CFDP1: variants seen among roughly 807,000 people sequenced by gnomAD.
CFDP1 encodes the protein heterochromatin-stabilizing protein CFDP1.
CFDP1 carries 31 observed loss-of-function variants against 40.1 expected under a neutral mutation model. The observed-to-expected ratio is 0.77, with a 90% CI of 0.58 to 1.04. The LOEUF (loss-of-function observed/expected upper bound fraction) is 1.04. Among genes scored for constraint, CFDP1 ranks in the 50% least tolerant of loss-of-function variants. The pLI is 0.00. For synonymous variants in CFDP1, 167 were observed against 120.0 expected, an observed-to-expected ratio of 1.39 and a Z score of -2.56; for missense variants, 423 against 343.4, an observed-to-expected ratio of 1.23 and a Z score of -1.83.
At chr16:75,359,090 T>C (rs1200961105) in intron 5 of CFDP1, among the ~76,000 whole-genome samples, 1 of 152,194 alleles carries the variant, frequency 6.6e-6, no homozygotes, top group Admixed American at 6.5e-5. Flanking sequence ...CTTTATATAA[T>C]TCAGCCAAAA....
chr16:75,431,510 C>T (rs377726090), intron 1 of CFDP1, among the ~76,000 whole-genome samples: 4 of 147,830 alleles, frequency 2.7e-5, no homozygotes, highest in African/African-American at 1.0e-4. Flanking sequence ...GGTGTGCTGG[C>T]GGGCGCCTGT....
At chr16:75,361,534 T>A (rs2078679255) in intron 5 of CFDP1, among the ~76,000 whole-genome samples, 6 of 152,014 alleles carry the variant, frequency 3.9e-5, no homozygotes. Context: ...TGAGAATCGC[T>A]TGAACCTGGG....
intron 5 of CFDP1, among the ~76,000 whole-genome samples, chr16:75,314,204 T>C (rs1372216450): frequency 1.3e-5 from 2 of 152,100 alleles, no homozygotes; most frequent in Admixed American, 6.6e-5. Context: ...GTTATATTTG[T>C]CTATTTGAAC....
intron 4 of CFDP1, among the ~76,000 whole-genome samples, chr16:75,399,262 C>T (rs1451096570): frequency 6.6e-6 from 1 of 152,010 alleles, no homozygotes; most frequent in Non-Finnish European, 1.5e-5. Flanking sequence ...TAAAAATAAC[C>T]AAAATAAACC....
Position 75,395,147 on chromosome 16 carries a change from T to C in CFDP1, c.593A>G (p.Lys198Arg). The change falls in exon 5 of 7, where the codon AAA becomes AGA. Residue 198 changes from lysine (K) to arginine (R), a missense_variant. By Grantham distance (26) the Lys-to-Arg change is conservative (BLOSUM62 2). Coordinates refer to ENST00000283882, the MANE Select transcript of CFDP1 (RefSeq NM_006324.3). ...AGGAACATTAGCCTGTGGTTTTTCT[T>C]TCTCATTCTGCTTGAAGAAGGATTT... ...EAKSFFKQNE[K>R]EKPQANVPSA... 1 of 1,613,936 alleles carries C rather than the reference T, an allele frequency of 6.2e-7. No individual in the cohort carries two copies.
intron 5 of CFDP1, among the ~76,000 whole-genome samples, chr16:75,377,972 T>C (rs1436044161): frequency 6.6e-6 from 1 of 152,158 alleles, no homozygotes; most frequent in Admixed American, 6.6e-5. Flanking sequence ...ACATTATACA[T>C]CAAAATCCCT....
At chr16:75,374,569 C>A (rs2151542543) in intron 5 of CFDP1, among the ~76,000 whole-genome samples, 1 of 151,908 alleles carries the variant, frequency 6.6e-6, no homozygotes, top group Middle Eastern at 3.4e-3. Context: ...GTAGTCCCAG[C>A]ACTTTGGGAG....
intron 5 of CFDP1, among the ~76,000 whole-genome samples, chr16:75,340,497 T>C (rs1255153598): frequency 1.3e-5 from 2 of 152,236 alleles, no homozygotes; most frequent in Non-Finnish European, 2.9e-5. Flanking sequence ...ACCACTTATG[T>C]TGCCTATTCC....
chr16:75,397,173 C>G (rs2079001807), intron 4 of CFDP1, among the ~76,000 whole-genome samples: 1 of 151,690 alleles, frequency 6.6e-6, no homozygotes, highest in African/African-American at 2.4e-5. Context: ...CTTGGCCTCC[C>G]AAAGTGCTGG....
intron 1 of CFDP1, among the ~76,000 whole-genome samples, chr16:75,428,767 G>A (rs1032925756): frequency 1.3e-5 from 2 of 152,074 alleles, no homozygotes; most frequent in African/African-American, 2.4e-5. Context: ...TTCTCAGAAG[G>A]CTCAGCAAAA....
intron 1 of CFDP1, among the ~76,000 whole-genome samples, chr16:75,430,950 C>G (rs928395235): frequency 6.6e-6 from 1 of 152,146 alleles, no homozygotes; most frequent in African/African-American, 2.4e-5. Flanking sequence ...TGTTAAAGAG[C>G]CCTGGCTAAG....
chr16:75,430,743 C>G (rs1302113613), intron 1 of CFDP1, among the ~76,000 whole-genome samples: 1 of 152,194 alleles, frequency 6.6e-6, no homozygotes, highest in Non-Finnish European at 1.5e-5. Flanking sequence ...GGATTATAGG[C>G]TCGAGCCACT....
intron 5 of CFDP1, among the ~76,000 whole-genome samples, chr16:75,334,510 C>T (rs754395417): frequency 3.3e-5 from 5 of 150,508 alleles, no homozygotes; most frequent in East Asian, 1.9e-4. Context: ...CTGGAGGCAG[C>T]GCAGAGGGTG....
At chr16:75,347,357 A>AG (rs1244511959) in intron 5 of CFDP1, among the ~76,000 whole-genome samples, 11 of 88,508 alleles carry the variant, frequency 1.2e-4, no homozygotes, top group East Asian at 2.3e-4. Flanking sequence ...AAAAAAAAAA[A>AG]AAAAAAAGAA....
At chr16:75,349,680 A>ATATATATATATATAT (rs59380218) in intron 5 of CFDP1, among the ~76,000 whole-genome samples, 38 of 6,660 alleles carry the variant, frequency 5.7e-3, no homozygotes, top group East Asian at 0.035. Context: ...AAAAAAAAAA[A>ATATATATATATATAT]AAAAAAAAAA....
At chr16:75,425,417 ATG>A (rs1025130198) in intron 1 of CFDP1, among the ~76,000 whole-genome samples, 1 of 148,132 alleles carries the variant, frequency 6.8e-6, no homozygotes, top group African/African-American at 2.5e-5. Context: ...AAAAAACTAT[ATG>A]GAAAGGCAAA....
rs181872551 is a variant in CFDP1 at position 75,422,375 on chromosome 16, G to A, written c.65-7680C>T. 5.5e-4 allele frequency among the ~76,000 whole-genome samples: 82 copies of A among 149,756 alleles called. No homozygotes were observed. In the East Asian group the frequency reaches 0.013, roughly 23 times the overall value. ...CTCCCAAAGTGCTGGGATTACAGGC[G>A]TGAGCCACTGCGTATGGCCTCTTTT... On this transcript the variant is annotated intron_variant, in intron 1 of 6. Transcript: ENST00000283882.
intron 6 of CFDP1, among the ~76,000 whole-genome samples, chr16:75,303,398 T>TG (rs745992011): frequency 0.026 from 3,646 of 137,844 alleles, 68 homozygotes; most frequent in East Asian, 0.047. Flanking sequence ...AATAAATAAA[T>TG]AAATGTATGT....
chr16:75,299,622 T>C (rs1258866310), intron 6 of CFDP1, among the ~76,000 whole-genome samples: 3 of 151,410 alleles, frequency 2.0e-5, no homozygotes, highest in African/African-American at 4.9e-5. Flanking sequence ...CGAATCCTAC[T>C]AGACTGCCAA....
Sources: gnomAD v4.1 joint callset for allele counts (sites outside exome capture counted in the v4.1 genomes callset) on GRCh38, gnomAD v4.1.1 for gene constraint, MANE v1.5 for transcripts, NCBI Gene and HGNC (gene_info 2026-07-23, HGNC 2026-07-21) for gene names.